The following KCNIP4 variants were observed in gnomAD, a reference collection of about 807,000 sequenced individuals.
KCNIP4 encodes the protein potassium voltage-gated channel interacting protein 4, also known as Kv channel-interacting protein 4.
A neutral mutation model predicts 34.0 loss-of-function variants in KCNIP4; 12 were observed. The ratio of observed to expected loss-of-function variants is 0.35; its 90% CI spans 0.23 to 0.57. KCNIP4 has a LOEUF of 0.57. KCNIP4 is among the 20% of genes least tolerant of loss of function. The pLI is 0.83. For missense variants in KCNIP4, 238 were observed against 311.7 expected (o/e 0.76, Z 1.78); for synonymous variants, 124 against 102.2 (o/e 1.21, Z -1.29).
chr4:20,905,574 C>T (rs1727669906), intron 1 of KCNIP4, among the ~76,000 whole-genome samples: 1 of 127,096 alleles, frequency 7.9e-6, no homozygotes, highest in South Asian at 2.5e-4. Context: ...TGCACTGGTG[C>T]AATCTCGGCT....
intron 1 of KCNIP4, among the ~76,000 whole-genome samples, chr4:21,148,457 G>A (rs980393327): frequency 2.0e-5 from 3 of 152,088 alleles, no homozygotes; most frequent in African/African-American, 4.8e-5. Flanking sequence ...TAATGTTTAC[G>A]CATCCAATGA....
intron 1 of KCNIP4, among the ~76,000 whole-genome samples, chr4:21,428,459 T>G (rs1726123537): frequency 6.6e-6 from 1 of 152,154 alleles, no homozygotes; most frequent in African/African-American, 2.4e-5. Context: ...TTCATATGAC[T>G]TCAGGTTACT....
intron 3 of KCNIP4, among the ~76,000 whole-genome samples, chr4:20,793,974 C>T (rs1713115078): frequency 6.6e-6 from 1 of 152,102 alleles, no homozygotes; most frequent in East Asian, 1.9e-4. Flanking sequence ...GAATCTTTCT[C>T]ATGTTGTTCT....
intron 3 of KCNIP4, among the ~76,000 whole-genome samples, chr4:20,794,375 G>C (rs919142454): frequency 1.8e-4 from 27 of 152,258 alleles, no homozygotes; most frequent in African/African-American, 5.8e-4. Flanking sequence ...CTCACCTCCT[G>C]CTGGGTGGCC....
intron 1 of KCNIP4, among the ~76,000 whole-genome samples, chr4:20,898,881 T>C (rs866682378): frequency 1.3e-5 from 2 of 152,214 alleles, no homozygotes; most frequent in Admixed American, 1.3e-4. Context: ...ATTTTACATA[T>C]GTTATCACTC....
At chr4:20,746,935 C>G (rs1752538497) in intron 5 of KCNIP4, among the ~76,000 whole-genome samples, 1 of 152,134 alleles carries the variant, frequency 6.6e-6, no homozygotes. Context: ...CTAACCATTT[C>G]TATTTTCTAG....
intron 1 of KCNIP4, among the ~76,000 whole-genome samples, chr4:21,067,717 T>G (rs1389361082): frequency 6.6e-6 from 1 of 151,974 alleles, no homozygotes; most frequent in Non-Finnish European, 1.5e-5. Context: ...GTGGTGGCCA[T>G]AGGGATGCTT....
intron 1 of KCNIP4, among the ~76,000 whole-genome samples, chr4:21,497,847 T>G (rs1177190372): frequency 6.6e-6 from 1 of 152,140 alleles, no homozygotes. Context: ...AAATAATAAT[T>G]ACAATACAAT....
chr4:21,331,314 G>A lies in KCNIP4; in HGVS notation c.62-448605C>T, dbSNP rs562996312. ...AGATGCTTTTTAAAATTTATTTTGTGTCTTCCTTCCCTTCCTTTCTTCCCT... is the reference window on the plus strand; with the variant it reads ...AGATGCTTTTTAAAATTTATTTTGTATCTTCCTTCCCTTCCTTTCTTCCCT... On this transcript the variant is annotated intron_variant, in intron 1 of 8. Coordinates refer to ENST00000382152, the MANE Select transcript of KCNIP4 (RefSeq NM_025221.6). Among the ~76,000 whole-genome samples the A allele has an allele frequency of 2.6e-5, 4 of 152,010 alleles. No individual in the cohort carries two copies. In the East Asian group the frequency reaches 7.7e-4, roughly 29 times the overall value.
chr4:20,841,952 A>C (rs1020976720), intron 3 of KCNIP4, among the ~76,000 whole-genome samples: 2 of 152,024 alleles, frequency 1.3e-5, no homozygotes, highest in Non-Finnish European at 2.9e-5. Flanking sequence ...CATTGCAGAT[A>C]CAATGCAATG....
chr4:21,504,475 A>AAAAAAAAAAAAAG, intron 1 of KCNIP4, among the ~76,000 whole-genome samples: 1 of 101,880 alleles, frequency 9.8e-6, no homozygotes, highest in Non-Finnish European at 2.0e-5. Flanking sequence ...CAAAAAAAAA[A>AAAAAAAAAAAAAG]AAAGAAAGAA....
At chr4:21,147,978 C>T (rs1434822021) in intron 1 of KCNIP4, among the ~76,000 whole-genome samples, 7 of 98,472 alleles carry the variant, frequency 7.1e-5, no homozygotes, top group Non-Finnish European at 1.4e-4. Flanking sequence ...AGTTCAAGTA[C>T]TTTGGGAATA....
intron 1 of KCNIP4, among the ~76,000 whole-genome samples, chr4:21,688,494 C>T (rs1750985315): frequency 1.3e-5 from 2 of 152,100 alleles, no homozygotes; most frequent in Admixed American, 6.5e-5. Flanking sequence ...GTTCAATATA[C>T]AGGGTTGACT....
intron 1 of KCNIP4, among the ~76,000 whole-genome samples, chr4:21,819,087 T>C (rs1460218368): frequency 6.6e-6 from 1 of 152,228 alleles, no homozygotes; most frequent in Non-Finnish European, 1.5e-5. Flanking sequence ...TTCATAAAGT[T>C]TCAAACAGAG....
At chr4:21,884,619 AAG>A (rs1398162594) in intron 1 of KCNIP4, among the ~76,000 whole-genome samples, 1 of 152,154 alleles carries the variant, frequency 6.6e-6, no homozygotes, top group Non-Finnish European at 1.5e-5. Flanking sequence ...AAGAGAAAAA[AAG>A]AGGAAAGAAA....
rs111803245 is a variant in KCNIP4 at position 20,884,125 on chromosome 4, A to C, written c.62-1416T>G. On this transcript the variant is annotated intron_variant, in intron 1 of 8. Coordinates refer to ENST00000382152, the MANE Select transcript of KCNIP4 (RefSeq NM_025221.6). The stretch of plus-strand genomic sequence containing the variant: ...AGGGTCTGGCATGTAACAGAAGGTC[A>C]ATAAATGCCTGGCAAATGAGTAAAT... Among the ~76,000 whole-genome samples, 180 of 152,350 alleles carry C rather than the reference A, an allele frequency of 1.2e-3. 4 individuals carry two copies. The highest frequency in any genetic ancestry group is 5.2e-4 in the Admixed American group (8 of 15,296).
chr4:21,907,880 A>C (rs1282947237), intron 1 of KCNIP4, among the ~76,000 whole-genome samples: 5 of 152,196 alleles, frequency 3.3e-5, no homozygotes, highest in Non-Finnish European at 5.9e-5. Context: ...AATACCAAAA[A>C]TAATAACAAA....
intron 7 of KCNIP4, among the ~76,000 whole-genome samples, chr4:20,732,446 G>A (rs1482290927): frequency 6.6e-6 from 1 of 152,160 alleles, no homozygotes; most frequent in African/African-American, 2.4e-5. Context: ...CAAAACTTGT[G>A]AAACATGAGA....
Position 21,022,081 on chromosome 4 carries a change from AG to A in KCNIP4, c.62-139373del, listed in dbSNP as rs374741783. Among the ~76,000 whole-genome samples, 288 of 152,242 alleles carry A rather than the reference AG, an allele frequency of 1.9e-3. 6 individuals carry two copies. In the South Asian group the frequency reaches 0.053, roughly 28 times the overall value. On this transcript the variant is annotated intron_variant, in intron 1 of 8. Coordinates refer to ENST00000382152, the MANE Select transcript of KCNIP4 (RefSeq NM_025221.6). Reference sequence around the variant, plus strand: ...TGGCGGCTACAATTTCATATGTGATAGTAATATTTCAGCTCCATTAAAACCT... The same window carrying A: ...TGGCGGCTACAATTTCATATGTGATATAATATTTCAGCTCCATTAAAACCT...
Sources: allele counts gnomAD v4.1 joint callset (sites outside exome capture counted in the v4.1 genomes callset), GRCh38; gene constraint gnomAD v4.1.1; transcripts MANE v1.5; gene names NCBI Gene and HGNC (gene_info 2026-07-23, HGNC 2026-07-21).